UGT1A10: variants seen among roughly 807,000 people sequenced by gnomAD.
UGT1A10 encodes the protein UDP glucuronosyltransferase family 1 member A10, also known as UDP-glucuronosyltransferase 1A10.
In UGT1A10, 49 loss-of-function variants were observed where a neutral mutation model predicts 45.8. The observed-to-expected ratio is 1.07, with a 90% CI of 0.85 to 1.36. The LOEUF is 1.36. Ranked by LOEUF, UGT1A10 falls within the 40% of genes most tolerant of loss-of-function variation. The probability of loss-of-function intolerance (pLI) is 0.00; values close to 1 mark genes in which losing one functional copy is unlikely to be tolerated. For missense variants in UGT1A10, 745 were observed against 668.6 expected (o/e 1.11, Z -1.26); for synonymous variants, 284 against 249.7 (o/e 1.14, Z -1.29).
intron 1 of UGT1A10, among the ~76,000 whole-genome samples, chr2:233,738,304 T>C (rs762666670): frequency 6.6e-6 from 1 of 152,228 alleles, no homozygotes; most frequent in Non-Finnish European, 1.5e-5. Flanking sequence ...GGTATGTCTT[T>C]ATAGCAGTGT....
intron 1 of UGT1A10, among the ~76,000 whole-genome samples, chr2:233,694,288 C>G (rs2075211231): frequency 6.6e-6 from 1 of 151,680 alleles, no homozygotes; most frequent in Non-Finnish European, 1.5e-5. Flanking sequence ...CCAATCTGCC[C>G]AAAGGCCTGT....
chr2:233,708,372 C>T (rs959388871), intron 1 of UGT1A10: 5 of 152,104 alleles, frequency 3.3e-5, no homozygotes, highest in African/African-American at 9.7e-5. Context: ...TTCATTTAAA[C>T]GTCTTTTGTG....
intron 1 of UGT1A10, chr2:233,672,718 C>T (rs1306295671): frequency 6.2e-7 from 1 of 1,613,902 alleles, no homozygotes; most frequent in Non-Finnish European, 8.5e-7. Context: ...TTTGGACTAT[C>T]CCAAACCCGT....
chr2:233,652,506 A>G (rs1349583255), intron 1 of UGT1A10, among the ~76,000 whole-genome samples: 2 of 152,188 alleles, frequency 1.3e-5, no homozygotes, highest in African/African-American at 4.8e-5. Flanking sequence ...AAAAAGGAAA[A>G]TTTGTTACAT....
At chr2:233,673,635 A>T (rs1306623826) in intron 1 of UGT1A10, among the ~76,000 whole-genome samples, 1 of 152,116 alleles carries the variant, frequency 6.6e-6, no homozygotes, top group Non-Finnish European at 1.5e-5. Flanking sequence ...CATAAATAAA[A>T]TTTTTCACTA....
chr2:233,761,695 G>T (rs1292253541), intron 1 of UGT1A10, among the ~76,000 whole-genome samples: 1 of 152,240 alleles, frequency 6.6e-6, no homozygotes, highest in East Asian at 1.9e-4. Flanking sequence ...ATACAGAAAG[G>T]TTGTAGGTTT....
At chr2:233,677,785 T>A (rs956606386) in intron 1 of UGT1A10, among the ~76,000 whole-genome samples, 8 of 151,898 alleles carry the variant, frequency 5.3e-5, no homozygotes, top group Admixed American at 5.2e-4. Flanking sequence ...TGCAAAGAAC[T>A]TAAAACAGAA....
intron 1 of UGT1A10, chr2:233,693,993 C>A: frequency 1.3e-6 from 2 of 1,526,758 alleles, no homozygotes; most frequent in East Asian, 2.2e-5. Context: ...GAAGTGATAC[C>A]CGGCTCGGAG....
chr2:233,719,433 A>G, intron 1 of UGT1A10: 1 of 1,613,974 alleles, frequency 6.2e-7, no homozygotes, highest in Non-Finnish European at 8.5e-7. Flanking sequence ...TTCAGACCAC[A>G]TGACATTCCT....
rs762751427 is a variant in UGT1A10 at position 233,729,397 on chromosome 2, C to G, written c.856-37637C>G. ...TTCGTGGACCCAGGATGAATTTGAT[C>G]GCCATGTGCTGGGCCACACTCAACT... On this transcript the variant is annotated intron_variant, in intron 1 of 4. Coordinates refer to ENST00000344644, the MANE Select transcript of UGT1A10 (RefSeq NM_019075.4). 2 of 1,613,656 alleles carry G rather than the reference C, an allele frequency of 1.2e-6. No homozygotes were observed. Among genetic ancestry groups the G allele is most frequent in the Non-Finnish European group, 8.5e-7 (1 of 1,179,714 alleles).
At chr2:233,724,136 CG>C in intron 1 of UGT1A10, among the ~76,000 whole-genome samples, 1 of 111,742 alleles carries the variant, frequency 8.9e-6, no homozygotes, top group African/African-American at 4.3e-5. Flanking sequence ...ACCTCCCGGA[CG>C]GGGCGGCTGG....
intron 1 of UGT1A10, among the ~76,000 whole-genome samples, chr2:233,656,984 G>A (rs2073869311): frequency 6.6e-6 from 1 of 150,776 alleles, no homozygotes; most frequent in Admixed American, 6.6e-5. Flanking sequence ...TGGAGCCTCC[G>A]CCTGCGTTAG....
At chr2:233,691,048 A>G in intron 1 of UGT1A10, 6 of 988,428 alleles carry the variant, frequency 6.1e-6, no homozygotes, top group Non-Finnish European at 7.2e-6. Flanking sequence ...TCCACAGCAG[A>G]GTGGAGGTCT....
chr2:233,725,125 G>A (rs1256400023), intron 1 of UGT1A10, among the ~76,000 whole-genome samples: 1 of 138,156 alleles, frequency 7.2e-6, no homozygotes, highest in Non-Finnish European at 1.5e-5. Context: ...GCAGTGAGCC[G>A]AGATGGCAGC....
intron 1 of UGT1A10, among the ~76,000 whole-genome samples, chr2:233,730,416 T>C (rs934632657): frequency 4.6e-5 from 7 of 152,204 alleles, no homozygotes; most frequent in African/African-American, 1.7e-4. Flanking sequence ...GTTGACATGA[T>C]AATTTTTAGT....
In UGT1A10 at chr2:233,671,843, A is replaced by G. The variant is rs972333604; in HGVS notation, c.855+34466A>G. The G allele has an allele frequency of 4.7e-6, 7 of 1,490,848 alleles. No individual in the cohort carries two copies. In the African/African-American group the frequency reaches 7.0e-5, roughly 15 times the overall value. The allele number at this position is 1,490,848 out of a possible 1,614,324, so 92.4% of individuals were successfully genotyped here. A position where few individuals can be genotyped will look rare whatever the true frequency, so the allele number is the denominator to read the frequency against. ...ATGAAAGGATAAAAACACGCCCTCT[A>G]TTGGGGTCAGGTTTTGTGCTGGTAT... On this transcript the variant is annotated intron_variant, in intron 1 of 4. Transcript: ENST00000344644.
At chr2:233,638,087 G>C (rs975773667) in intron 1 of UGT1A10, among the ~76,000 whole-genome samples, 1 of 152,102 alleles carries the variant, frequency 6.6e-6, no homozygotes, top group African/African-American at 2.4e-5. Flanking sequence ...TAGTAGACTA[G>C]AGTCCTACAC....
intron 1 of UGT1A10, chr2:233,729,233 T>C (rs746735102): frequency 5.5e-5 from 88 of 1,614,154 alleles, no homozygotes; most frequent in South Asian, 6.6e-5. Context: ...GTGGTGCCCA[T>C]TGATGGCAGC....
chr2:233,724,866 G>A (rs1361964524), intron 1 of UGT1A10, among the ~76,000 whole-genome samples: 1 of 128,896 alleles, frequency 7.8e-6, no homozygotes, highest in Non-Finnish European at 1.6e-5. Flanking sequence ...GGTGTAGGTT[G>A]TAGTGAGCGG....
Sources: gnomAD v4.1 joint callset for allele counts (sites outside exome capture counted in the v4.1 genomes callset) on GRCh38, gnomAD v4.1.1 for gene constraint, MANE v1.5 for transcripts, NCBI Gene and HGNC (gene_info 2026-07-23, HGNC 2026-07-21) for gene names.